EOGT: variants seen among roughly 807,000 people sequenced by gnomAD.
The protein encoded by EOGT is EGF domain-specific O-linked N-acetylglucosamine transferase.
In EOGT, 55 loss-of-function variants were observed where a neutral mutation model predicts 70.5. The ratio of observed to expected loss-of-function variants is 0.78; its 90% CI spans 0.63 to 0.98. EOGT has a LOEUF of 0.98. EOGT is among the 50% of genes least tolerant of loss of function. The pLI is 0.00. For missense variants in EOGT, 703 were observed against 641.9 expected, an observed-to-expected ratio of 1.10 and a Z score of -1.03; for synonymous variants, 246 against 217.1, an observed-to-expected ratio of 1.13 and a Z score of -1.17.
chr3:68,994,141 CAT>C (rs915257987), intron 10 of EOGT, among the ~76,000 whole-genome samples: 53 of 152,224 alleles, frequency 3.5e-4, no homozygotes, highest in East Asian at 1.9e-3. Flanking sequence ...CGCACACACA[CAT>C]ATGTTATGAC....
chr3:68,982,733 T>C, intron 15 of EOGT, 78 bp downstream of exon 15: 1 of 1,054,878 alleles, frequency 9.5e-7, no homozygotes, highest in Non-Finnish European at 1.4e-6. Flanking sequence ...TGGCTCCCAC[T>C]GGAAAAATGC....
intron 14 of EOGT, 54 bp downstream of exon 14, chr3:68,987,391 A>G: frequency 1.6e-6 from 2 of 1,283,352 alleles, no homozygotes; most frequent in South Asian, 1.3e-5. Flanking sequence ...AAAAAACACA[A>G]TTTGCTCTAT....
intron 13 of EOGT, among the ~76,000 whole-genome samples, chr3:68,988,076 A>C (rs2107216455): frequency 6.6e-6 from 1 of 152,260 alleles, no homozygotes; most frequent in Non-Finnish European, 1.5e-5. Context: ...CACCTCGTCC[A>C]GCTAATTTTT....
intron 10 of EOGT, among the ~76,000 whole-genome samples, chr3:68,993,486 A>G (rs1241907044): frequency 6.6e-6 from 1 of 152,162 alleles, no homozygotes; most frequent in Non-Finnish European, 1.5e-5. Flanking sequence ...TTTATTGTCC[A>G]TATCACTATC....
chr3:69,000,824 T>C (rs2091275460), intron 9 of EOGT, among the ~76,000 whole-genome samples: 1 of 152,214 alleles, frequency 6.6e-6, no homozygotes, highest in African/African-American at 2.4e-5. Context: ...TTTAATTTTA[T>C]GTCAAGAATA....
chr3:68,977,324 C>CAA lies in EOGT; in HGVS notation c.*292_*293dup, dbSNP rs59164738. 124 of 182,868 alleles carry CAA rather than the reference C, an allele frequency of 6.8e-4. No homozygotes were observed. Among genetic ancestry groups the CAA allele is most frequent in the Middle Eastern group, 1.9e-3 (1 of 530 alleles). 11.3% of individuals were successfully genotyped at this position (182,868 alleles called of 1,614,324 possible). A position where few individuals can be genotyped will look rare whatever the true frequency, so the allele number is the denominator to read the frequency against. On this transcript the variant is annotated 3_prime_UTR_variant, in exon 18 of 18. Transcript: ENST00000383701. ...CTGGGTGACAGTGAGACTCTGTCTC[C>CAA]AAAAAAAAAAAAAGAAAGAAAGAAA...
In EOGT at chr3:68,987,459, G is replaced by A. The variant is rs1285644978; in HGVS notation, c.1138C>T (p.Leu380Phe). ...CAAAAACTAACCTCATTTTGGTTAA[G>A]GATTTTCCGGTATTCTGTGCTCCGT... ...LARSTEYRKI[L>F]NQNELVNALK... The change falls in exon 14 of 18, where the codon CTT becomes TTT. Residue 380 changes from leucine (L) to phenylalanine (F), a missense_variant. Leu to Phe is a conservative substitution (Grantham distance 22). Coordinates refer to ENST00000383701, the MANE Select transcript of EOGT (RefSeq NM_001278689.2). The A allele has an allele frequency of 6.2e-7, 1 of 1,613,270 alleles. No homozygotes were observed. The highest frequency in any genetic ancestry group is 8.5e-7 in the Non-Finnish European group (1 of 1,179,656).
Position 68,978,319 on chromosome 3 carries a change from T to G in EOGT, c.1437+14A>C, listed in dbSNP as rs752175190. 1.3e-6 allele frequency: 2 copies of G among 1,586,884 alleles called. No homozygotes were observed. The highest frequency in any genetic ancestry group is 3.5e-5 in the Admixed American group (2 of 57,960). On this transcript the variant is annotated intron_variant, in intron 17 of 17. Transcript: ENST00000383701. ...TAAAAATGAAGCAAGGTAAGTTTTG[T>G]GATTGAACTTTACCTTATCCTGAGG...
intron 14 of EOGT, among the ~76,000 whole-genome samples, chr3:68,983,092 C>T (rs981298911): frequency 2.0e-5 from 3 of 152,198 alleles, no homozygotes; most frequent in South Asian, 2.1e-4. Flanking sequence ...TGTGAACACA[C>T]GACTCTACCT....
chr3:69,004,545 T>TCA, intron 7 of EOGT, 63 bp from the exon 8 acceptor site: 7 of 1,100,756 alleles, frequency 6.4e-6, no homozygotes, highest in Non-Finnish European at 9.6e-6. Flanking sequence ...AGCACGTGGG[T>TCA]TGTAACTAAA....
intron 15 of EOGT, among the ~76,000 whole-genome samples, chr3:68,981,549 A>G (rs1222503176): frequency 6.6e-6 from 1 of 152,170 alleles, no homozygotes; most frequent in Admixed American, 6.5e-5. Flanking sequence ...TCTTTTCTAT[A>G]CTGCTTGACT....
At chr3:68,984,800 T>C (rs550181976) in intron 14 of EOGT, among the ~76,000 whole-genome samples, 2 of 152,298 alleles carry the variant, frequency 1.3e-5, no homozygotes, top group Admixed American at 1.3e-4. Flanking sequence ...TCTACTGGAC[T>C]TCTCTGCAGT....
chr3:68,985,214 T>C (rs901581187), intron 14 of EOGT, among the ~76,000 whole-genome samples: 1 of 152,184 alleles, frequency 6.6e-6, no homozygotes, highest in African/African-American at 2.4e-5. Flanking sequence ...ATTCCCAACA[T>C]TGCACTATTT....
At chr3:68,997,317 T>C (rs1165765004) in intron 10 of EOGT, among the ~76,000 whole-genome samples, 1 of 150,344 alleles carries the variant, frequency 6.7e-6, no homozygotes, top group East Asian at 1.9e-4. Context: ...GGCCAAACAG[T>C]AAACAGAGGC....
rs1376195849 is a variant in EOGT, at chr3:68,982,260, C to T, written c.1214+551G>A. On this transcript the variant is annotated intron_variant, in intron 15 of 17. Transcript: ENST00000383701. The stretch of plus-strand genomic sequence containing the variant: ...TTAGGCCGGGTGTGGTGGCTCATGC[C>T]TTTAATTGCAGCACTTTGGGAGGCA... 3.9e-5 allele frequency among the ~76,000 whole-genome samples: 6 copies of T among 152,120 alleles called. 1 individual carries two copies. Among genetic ancestry groups the T allele is most frequent in the African/African-American group, 1.2e-4 (5 of 41,424 alleles).
intron 6 of EOGT, among the ~76,000 whole-genome samples, chr3:69,006,253 AAC>A (rs2091437712): frequency 6.6e-6 from 1 of 152,212 alleles, no homozygotes; most frequent in Admixed American, 6.5e-5. Flanking sequence ...TGCAAGACAG[AAC>A]AGAACTCTGT....
chr3:69,002,147 G>A (rs1002982545), intron 8 of EOGT, among the ~76,000 whole-genome samples: 1 of 152,172 alleles, frequency 6.6e-6, no homozygotes, highest in Non-Finnish European at 1.5e-5. Flanking sequence ...AGCCGAGATG[G>A]TGCCAAAAGG....
chr3:68,998,001 T>A lies in EOGT; in HGVS notation c.831+10A>T, dbSNP rs1559604529. 6.9e-7 allele frequency: 1 copy of A among 1,456,396 alleles called. No individual in the cohort carries two copies. The highest frequency in any genetic ancestry group is 2.0e-5 in the Admixed American group (1 of 49,242). The allele number at this position is 1,456,396 out of a possible 1,614,324, so 90.2% of individuals were successfully genotyped here. ...GACAGTACTGAAGCGGAGAGCACAT[T>A]CTTACTTACGGTGTCCCACATCACG... On this transcript the variant is annotated intron_variant, in intron 10 of 17. Coordinates refer to ENST00000383701, the MANE Select transcript of EOGT (RefSeq NM_001278689.2).
At chr3:68,995,271 T>G (rs749702548) in intron 10 of EOGT, among the ~76,000 whole-genome samples, 12 of 152,156 alleles carry the variant, frequency 7.9e-5, no homozygotes, top group Non-Finnish European at 1.3e-4. Flanking sequence ...AAACCCTTAC[T>G]TAGCGCCATC....
Sources: gnomAD v4.1 joint callset for allele counts (sites outside exome capture counted in the v4.1 genomes callset) on GRCh38, gnomAD v4.1.1 for gene constraint, MANE v1.5 for transcripts, NCBI Gene and HGNC (gene_info 2026-07-23, HGNC 2026-07-21) for gene names.